PSMD1: variants seen among roughly 807,000 people sequenced by gnomAD.
PSMD1 encodes the protein proteasome 26S subunit, non-ATPase 1.
In PSMD1, 18 loss-of-function variants were observed where a neutral mutation model predicts 119.0. That is an observed-to-expected ratio of 0.15 (90% CI 0.10 to 0.22). The LOEUF is 0.22. Ranked by LOEUF, PSMD1 falls within the 10% of genes least tolerant of loss-of-function variation. PSMD1 has a pLI of 1.00. For synonymous variants in PSMD1, 374 were observed against 396.6 expected, an observed-to-expected ratio of 0.94 and a Z score of 0.68; for missense variants, 702 against 1,158.5, an observed-to-expected ratio of 0.61 and a Z score of 5.72.
intron 16 of PSMD1, among the ~76,000 whole-genome samples, chr2:231,129,881 T>C (rs1695814347): frequency 6.6e-6 from 1 of 152,248 alleles, no homozygotes; most frequent in Non-Finnish European, 1.5e-5. Context: ...CGAGACGGAG[T>C]CTCACTCTGT....
At chr2:231,110,916 AG>A (rs1695137786) in intron 16 of PSMD1, among the ~76,000 whole-genome samples, 1 of 152,242 alleles carries the variant, frequency 6.6e-6, no homozygotes, top group African/African-American at 2.4e-5. Context: ...TTATAGAAAA[AG>A]TTTGCTGACC....
At chr2:231,147,345 G>GGA (rs1328186585) in intron 18 of PSMD1, among the ~76,000 whole-genome samples, 4 of 152,024 alleles carry the variant, frequency 2.6e-5, no homozygotes, top group African/African-American at 9.7e-5. Context: ...GAATTAAAAA[G>GGA]GAATTAGCTG....
intron 16 of PSMD1, among the ~76,000 whole-genome samples, chr2:231,135,082 A>T (rs1316302023): frequency 6.6e-6 from 1 of 152,196 alleles, no homozygotes. Context: ...GTAATTAATT[A>T]GGTGGCAAAA....
intron 16 of PSMD1, among the ~76,000 whole-genome samples, chr2:231,112,318 G>A (rs1035317619): frequency 6.6e-6 from 1 of 152,110 alleles, no homozygotes; most frequent in Non-Finnish European, 1.5e-5. Flanking sequence ...GCTTTTGGGG[G>A]GCTGGTTCTG....
At position 231,172,687 on chromosome 2, in the gene PSMD1, A is replaced by T. The variant is rs981490595; in HGVS notation, c.*162A>T. 6.6e-6 allele frequency: 1 copy of T among 152,180 alleles called. No homozygotes were observed. The highest frequency in any genetic ancestry group is 1.9e-4 in the East Asian group (1 of 5,192). 9.4% of individuals were successfully genotyped at this position (152,180 alleles called of 1,614,324 possible). On this transcript the variant is annotated 3_prime_UTR_variant, in exon 25 of 25. Transcript: ENST00000308696. Reference sequence around the variant, plus strand: ...CTCCAAGTCTTTGGTTGAAGAGAAGATATATGACTGTTGAGTGTGCTCTTT... The same window carrying T: ...CTCCAAGTCTTTGGTTGAAGAGAAGTTATATGACTGTTGAGTGTGCTCTTT...
In PSMD1 at chr2:231,067,001, G is replaced by A. The variant is rs750150746; in HGVS notation, c.400G>A (p.Val134Ile). 18 of 1,613,468 alleles carry A rather than the reference G, an allele frequency of 1.1e-5. No homozygotes were observed. The highest frequency in any genetic ancestry group is 6.6e-5 in the South Asian group (6 of 90,940). The change falls in exon 5 of 25, where the codon GTA becomes ATA. Residue 134 changes from valine to isoleucine, a missense_variant. Transcript: ENST00000308696. ...KPIDQRLEGI[V>I]NKMFQRCLDD... The stretch of plus-strand genomic sequence containing the variant: ...AATTGACCAGAGATTGGAAGGCATC[G>A]TAAATAAAATGTTCCAGCGATGTCT...
rs140158142 is a variant in PSMD1, at chr2:231,160,967, T to TG, written c.2219-373_2219-372insG. On this transcript the variant is annotated intron_variant, in intron 19 of 24. Transcript: ENST00000308696. ...CTCACATGCTTGTAATCCCAAGACT[T>TG]TGGGAGGCTGAGTCGGGAGGATCAT... 5.5e-3 allele frequency among the ~76,000 whole-genome samples: 838 copies of TG among 152,186 alleles called. 15 individuals are homozygous for TG. The highest frequency in any genetic ancestry group is 0.019 in the African/African-American group (805 of 41,520).
At chr2:231,095,762 C>T (rs772031826) in intron 16 of PSMD1, among the ~76,000 whole-genome samples, 7 of 152,272 alleles carry the variant, frequency 4.6e-5, no homozygotes, top group South Asian at 4.2e-4. Context: ...GGAATCGCTG[C>T]GGGGGAAGGG....
At chr2:231,080,428 A>C in intron 12 of PSMD1, 114 bp downstream of exon 12, 2 of 871,220 alleles carry the variant, frequency 2.3e-6, no homozygotes, top group Non-Finnish European at 3.3e-6. Flanking sequence ...ACCCAAAACA[A>C]CTGTCATCTT....
intron 16 of PSMD1, among the ~76,000 whole-genome samples, chr2:231,095,740 GGC>G (rs1178087673): frequency 6.6e-6 from 1 of 152,228 alleles, no homozygotes; most frequent in Non-Finnish European, 1.5e-5. Context: ...AACGGCTAAA[GGC>G]CAATCTTGAG....
chr2:231,089,421 A>C (rs112239981), intron 16 of PSMD1, among the ~76,000 whole-genome samples: 3 of 152,268 alleles, frequency 2.0e-5, no homozygotes, highest in African/African-American at 7.2e-5. Context: ...TCTTGTCAGA[A>C]GCTAATGCAG....
In PSMD1 at chr2:231,075,491, A is replaced by G. The variant is rs1258974704; in HGVS notation, c.882-20A>G. The G allele has an allele frequency of 6.2e-7, 1 of 1,609,042 alleles. No homozygotes were observed. Among genetic ancestry groups the G allele is most frequent in the African/African-American group, 1.3e-5 (1 of 74,572 alleles). ...ATTGTACTTCTCTTCAGAAAAAATTATTGGTTCTTTTCATTTCAGTGACTC... is the reference window on the plus strand; with the variant it reads ...ATTGTACTTCTCTTCAGAAAAAATTGTTGGTTCTTTTCATTTCAGTGACTC... On this transcript the variant is annotated intron_variant, in intron 7 of 24. Transcript: ENST00000308696.
At chr2:231,122,763 A>G (rs1380527404) in intron 16 of PSMD1, among the ~76,000 whole-genome samples, 1 of 152,174 alleles carries the variant, frequency 6.6e-6, no homozygotes, top group Non-Finnish European at 1.5e-5. Flanking sequence ...TTAGAGGCCT[A>G]TCAGGAACAC....
rs1279570619 is a variant in PSMD1 at position 231,058,003 on chromosome 2, CTTTATT to C, written c.16+968_16+973del. On this transcript the variant is annotated intron_variant, in intron 1 of 24. Transcript: ENST00000308696. The stretch of plus-strand genomic sequence containing the variant: ...AATCTGAATGGTAAGGCGATCAAAA[CTTTATT>C]TTTATGAGGATTGGTTAAGGAGATC... 3.9e-5 allele frequency among the ~76,000 whole-genome samples: 6 copies of C among 152,184 alleles called. No individual in the cohort carries two copies. The East Asian group carries it at 7.7e-4, about 20-fold the overall frequency.
At chr2:231,144,915 G>C (rs1310817358) in intron 17 of PSMD1, among the ~76,000 whole-genome samples, 1 of 152,196 alleles carries the variant, frequency 6.6e-6, no homozygotes, top group Non-Finnish European at 1.5e-5. Flanking sequence ...CTAGTACTGT[G>C]TCTGAAAAGT....
intron 16 of PSMD1, among the ~76,000 whole-genome samples, chr2:231,129,218 A>G (rs1236896331): frequency 6.6e-6 from 1 of 152,252 alleles, no homozygotes; most frequent in East Asian, 1.9e-4. Flanking sequence ...ATATCAATAC[A>G]GTTCTCAATG....
At chr2:231,159,034 A>G (rs1696573709) in intron 19 of PSMD1, among the ~76,000 whole-genome samples, 2 of 152,186 alleles carry the variant, frequency 1.3e-5, no homozygotes, top group African/African-American at 2.4e-5. Context: ...ATAAAAATTA[A>G]AATGCTGCTT....
At position 231,061,218 on chromosome 2, in the gene PSMD1, C is replaced by T. The variant is rs59674647; in HGVS notation, c.17-49C>T. ...ATTTTTGACCAGGTGTTAATTTCCA[C>T]TTTAGTGAGAATGTGTTTCATAATC... On this transcript the variant is annotated intron_variant, in intron 1 of 24. Coordinates refer to ENST00000308696, the MANE Select transcript of PSMD1 (RefSeq NM_002807.4). The T allele has an allele frequency of 3.0e-3, 4,399 of 1,471,144 alleles. 117 individuals carry two copies. The African/African-American group carries it at 0.055, about 18-fold the overall frequency. 91.1% of individuals were successfully genotyped at this position (1,471,144 alleles called of 1,614,324 possible).
At chr2:231,058,704 G>C (rs1395302381) in intron 1 of PSMD1, among the ~76,000 whole-genome samples, 1 of 151,858 alleles carries the variant, frequency 6.6e-6, no homozygotes, top group Non-Finnish European at 1.5e-5. Flanking sequence ...TTGTAGTACT[G>C]TCTTCACTCA....
Sources: allele counts gnomAD v4.1 joint callset (sites outside exome capture counted in the v4.1 genomes callset), GRCh38; gene constraint gnomAD v4.1.1; transcripts MANE v1.5; gene names NCBI Gene and HGNC (gene_info 2026-07-23, HGNC 2026-07-21).